The following ZDHHC24 variants were observed in gnomAD, a reference collection of about 807,000 sequenced individuals.
ZDHHC24 encodes probable palmitoyltransferase ZDHHC24.
A neutral mutation model predicts 23.2 loss-of-function variants in ZDHHC24; 17 were observed. The observed-to-expected ratio is 0.73, with a 90% CI of 0.50 to 1.10. ZDHHC24 has a LOEUF of 1.10. Among genes scored for constraint, ZDHHC24 ranks in the 50% least tolerant of loss-of-function variants. The probability of loss-of-function intolerance (pLI) is 0.00; values close to 1 mark genes in which losing one functional copy is unlikely to be tolerated. For missense variants in ZDHHC24, 366 were observed against 393.0 expected (o/e 0.93, Z 0.58); for synonymous variants, 186 against 194.5 (o/e 0.96, Z 0.36).
chr11:66,539,622 G>C lies in ZDHHC24; in HGVS notation c.762C>G (p.Ala254=). The C allele has an allele frequency of 2.5e-6, 4 of 1,612,800 alleles. No individual in the cohort carries two copies. Among genetic ancestry groups the C allele is most frequent in the Non-Finnish European group, 2.5e-6 (3 of 1,179,654 alleles). Residue 254 remains alanine, a synonymous_variant, in exon 3 of 3, where the codon GCC becomes GCG. Transcript: ENST00000310442. ...NLQAALGPRW[A]LVWLWPFLAS... ...CCAGGAAGGGCCAGAGCCAGACGAG[G>C]GCCCAGCGGGGCCCCAGGGCTGCCT...
At chr11:66,535,597 GAATT>G (rs956269305), downstream of ZDHHC24, among the ~76,000 whole-genome samples, 5 of 152,030 alleles carry the variant, frequency 3.3e-5, no homozygotes, top group Non-Finnish European at 5.9e-5. Context: ...AGATACTTAA[GAATT>G]AATCCAATTT....
At chr11:66,524,514 T>C (rs760842526) in intron 4 of ZDHHC24, among the ~76,000 whole-genome samples, 8 of 151,868 alleles carry the variant, frequency 5.3e-5, no homozygotes, top group Non-Finnish European at 1.2e-4. Context: ...ATGGACTCCA[T>C]GGGACACTTC....
intron 2 of ZDHHC24, 44 bp from the exon 3 acceptor site, chr11:66,539,868 C>T (rs1276348576): frequency 6.7e-7 from 1 of 1,491,744 alleles, no homozygotes; most frequent in Non-Finnish European, 8.9e-7. Flanking sequence ...GCAGTGGGGT[C>T]CGGCTTTCCT....
At chr11:66,523,827 A>G (rs1182069156) in intron 4 of ZDHHC24, 2 of 1,613,694 alleles carry the variant, frequency 1.2e-6, no homozygotes, top group Admixed American at 1.7e-5. Context: ...GGGCTGGCCA[A>G]TGGAGAGGTC....
At chr11:66,526,755 A>T in intron 4 of ZDHHC24, 1 of 1,614,242 alleles carries the variant, frequency 6.2e-7, no homozygotes. Context: ...ATGTGCCCCG[A>T]AAGACCCGGC....
chr11:66,533,717 C>G (rs1021262893), downstream of ZDHHC24: 2 of 152,264 alleles, frequency 1.3e-5, no homozygotes, highest in African/African-American at 2.4e-5. Flanking sequence ...CTAGACACTT[C>G]CCTTCATCCC....
exon 4 of ZDHHC24, chr11:66,527,004 G>A: frequency 7.2e-6 from 11 of 1,537,556 alleles, no homozygotes; most frequent in South Asian, 1.2e-5. Flanking sequence ...AGGCTGGAAG[G>A]TGCTGTGGGT....
intron 2 of ZDHHC24, 100 bp downstream of exon 2, chr11:66,543,603 TC>T: frequency 7.1e-7 from 1 of 1,410,552 alleles, no homozygotes; most frequent in African/African-American, 1.4e-5. Flanking sequence ...TGGGGCTGGG[TC>T]CCCCAGGCCA....
intron 2 of ZDHHC24, among the ~76,000 whole-genome samples, chr11:66,541,626 A>C (rs1857154252): frequency 6.6e-6 from 1 of 152,108 alleles, no homozygotes; most frequent in African/African-American, 2.4e-5. Flanking sequence ...AGACAGGAGC[A>C]CGGGGAAATC....
chr11:66,535,592 C>T (rs2134859749), downstream of ZDHHC24, among the ~76,000 whole-genome samples: 1 of 152,182 alleles, frequency 6.6e-6, no homozygotes, highest in African/African-American at 2.4e-5. Flanking sequence ...ATATCAGATA[C>T]TTAAGAATTA....
At position 66,530,328 on chromosome 11, in the gene ZDHHC24, C is replaced by T. The variant is rs78170067; in HGVS notation, c.560-840G>A. Among the ~76,000 whole-genome samples, 107 of 152,282 alleles carry T rather than the reference C, an allele frequency of 7.0e-4. No homozygotes were observed. The East Asian group carries it at 0.018, about 25-fold the overall frequency. On this transcript the variant is annotated intron_variant, in intron 2 of 4. Transcript: ENST00000526986. ...TGGGCAGCCCAACGTGTTAGGACTG[C>T]TGGGTACAGGGAAGGGGCCATCCCG...
At position 66,543,955 on chromosome 11, in the gene ZDHHC24, ACCTGG is replaced by A. The variant is rs771310624; in HGVS notation, c.303_307del (p.Gln102AlafsTer135). On this transcript the variant is annotated frameshift_variant, in exon 2 of 3. Coordinates refer to ENST00000310442, the MANE Select transcript of ZDHHC24 (RefSeq NM_207340.3). LOFTEE classifies it high-confidence loss of function. ...AGAGCAGTGTCCGCTGCGTGGCGGCACCTGGCTTTGGCATTGGTAGCAGTAACTGC... is the reference window on the plus strand; with the variant it reads ...AGAGCAGTGTCCGCTGCGTGGCGGCACTTTGGCATTGGTAGCAGTAACTGC... The A allele has an allele frequency of 5.0e-6, 8 of 1,613,576 alleles. No individual in the cohort carries two copies. In the South Asian group the frequency reaches 7.7e-5, roughly 16 times the overall value.
At chr11:66,524,203 C>G in intron 4 of ZDHHC24, 1 of 381,144 alleles carries the variant, frequency 2.6e-6, no homozygotes, top group South Asian at 2.1e-5. Flanking sequence ...TCGCTTGAGC[C>G]TGGGAGGCGG....
At chr11:66,528,245 T>A (rs1856607047) in intron 3 of ZDHHC24, among the ~76,000 whole-genome samples, 1 of 152,152 alleles carries the variant, frequency 6.6e-6, no homozygotes, top group Admixed American at 6.6e-5. Flanking sequence ...CAAAGTCTAA[T>A]AAAGTTGTAA....
intron 2 of ZDHHC24, 99 bp downstream of exon 2, chr11:66,543,605 C>T: frequency 2.1e-6 from 3 of 1,423,036 alleles, no homozygotes; most frequent in Non-Finnish European, 2.8e-6. Context: ...GGGCTGGGTC[C>T]CCCAGGCCAG....
chr11:66,529,985 A>C, intron 2 of ZDHHC24: 1 of 1,581,594 alleles, frequency 6.3e-7, no homozygotes, highest in South Asian at 1.1e-5. Flanking sequence ...AGTCAGGGCC[A>C]GAGGGGCAGA....
chr11:66,538,474 C>G lies in ZDHHC24; in HGVS notation c.*1055G>C, dbSNP rs927702662. The stretch of plus-strand genomic sequence containing the variant: ...CCCAGCAACTCGGGAGGCCGAATCA[C>G]TTGAACCCGGGAGGTGGAGGTTACA... On this transcript the variant is annotated 3_prime_UTR_variant, in exon 3 of 3. Transcript: ENST00000310442. The G allele has an allele frequency of 1.3e-5, 2 of 151,908 alleles. No homozygotes were observed. The highest frequency in any genetic ancestry group is 1.9e-4 in the East Asian group (1 of 5,176). The allele number at this position is 151,908 out of a possible 1,614,324, so 9.4% of individuals were successfully genotyped here.
At chr11:66,531,002 T>C, downstream of ZDHHC24, 4 of 1,614,220 alleles carry the variant, frequency 2.5e-6, no homozygotes, top group Non-Finnish European at 3.4e-6. Context: ...CGAGGCGCTC[T>C]ATTCCCTGCC....
chr11:66,540,880 G>A (rs905306751), intron 2 of ZDHHC24, among the ~76,000 whole-genome samples: 1 of 151,752 alleles, frequency 6.6e-6, no homozygotes, highest in African/African-American at 2.4e-5. Context: ...AGGCACCAAA[G>A]GTCACATGTT....
Sources: gnomAD v4.1 joint callset for allele counts (sites outside exome capture counted in the v4.1 genomes callset) on GRCh38, gnomAD v4.1.1 for gene constraint, MANE v1.5 for transcripts, NCBI Gene and HGNC (gene_info 2026-07-23, HGNC 2026-07-21) for gene names.